ARID1B: variants seen among roughly 807,000 people sequenced by gnomAD.
ARID1B encodes AT-rich interactive domain-containing protein 1B.
ARID1B carries 30 observed loss-of-function variants against 212.3 expected under a neutral mutation model. That is an observed-to-expected ratio of 0.14 (90% CI 0.11 to 0.19). ARID1B has a LOEUF of 0.19. Ranked by LOEUF, ARID1B falls within the 10% of genes least tolerant of loss-of-function variation. The pLI is 1.00. For missense variants in ARID1B, 2,891 were observed against 3,204.0 expected (o/e 0.90, Z 2.36); for synonymous variants, 1,402 against 1,301.7 (o/e 1.08, Z -1.66).
chr6:156,807,237 G>C (rs1781235711), intron 1 of ARID1B, among the ~76,000 whole-genome samples: 1 of 150,908 alleles, frequency 6.6e-6, no homozygotes, highest in African/African-American at 2.4e-5. Flanking sequence ...TCAGATCTAT[G>C]GAGTGGAAGA....
chr6:157,047,857 C>T (rs1436247916), intron 4 of ARID1B, among the ~76,000 whole-genome samples: 1 of 152,160 alleles, frequency 6.6e-6, no homozygotes, highest in Non-Finnish European at 1.5e-5. Context: ...AACACCTGTT[C>T]ATTTGGGACA....
At chr6:156,852,842 T>G (rs1784669147) in intron 2 of ARID1B, among the ~76,000 whole-genome samples, 1 of 152,256 alleles carries the variant, frequency 6.6e-6, no homozygotes, top group Non-Finnish European at 1.5e-5. Flanking sequence ...TGTTTAGTTT[T>G]GTTTTATAAC....
chr6:156,886,068 A>G (rs1031125878), intron 2 of ARID1B, among the ~76,000 whole-genome samples: 1 of 152,254 alleles, frequency 6.6e-6, no homozygotes, highest in Non-Finnish European at 1.5e-5. Context: ...TGTAATGCAG[A>G]TATCTCAAAG....
intron 2 of ARID1B, among the ~76,000 whole-genome samples, chr6:156,866,898 A>G (rs9372021): frequency 0.25 from 37,400 of 152,186 alleles, 4,644 homozygotes; most frequent in Non-Finnish European, 0.26. Context: ...TTTTGCAAGC[A>G]TCATGGAAGT....
intron 1 of ARID1B, among the ~76,000 whole-genome samples, chr6:156,807,835 A>AT (rs1157239119): frequency 6.9e-5 from 10 of 145,204 alleles, no homozygotes; most frequent in South Asian, 4.2e-4. Flanking sequence ...ACACAATATC[A>AT]TTTTTTTTGC....
At chr6:156,797,387 G>C (rs992199710) in intron 1 of ARID1B, among the ~76,000 whole-genome samples, 6 of 152,220 alleles carry the variant, frequency 3.9e-5, no homozygotes, top group African/African-American at 1.4e-4. Flanking sequence ...AGTAAAATCA[G>C]TTTGGAGAGG....
At chr6:157,183,630 A>G (rs1222159313) in intron 12 of ARID1B, among the ~76,000 whole-genome samples, 3 of 152,148 alleles carry the variant, frequency 2.0e-5, no homozygotes, top group South Asian at 2.1e-4. Context: ...CCAGCCCTTT[A>G]AGCCTCCTTG....
intron 6 of ARID1B, among the ~76,000 whole-genome samples, chr6:157,123,021 C>T (rs1166088730): frequency 1.3e-5 from 2 of 152,072 alleles, no homozygotes; most frequent in African/African-American, 2.4e-5. Context: ...TTCCTTTAAC[C>T]CCCACAAAAA....
chr6:156,906,569 A>C (rs1222588598), intron 3 of ARID1B, among the ~76,000 whole-genome samples: 1 of 148,366 alleles, frequency 6.7e-6, no homozygotes, highest in East Asian at 1.9e-4. Flanking sequence ...AAAAAAAAAA[A>C]AAAAAAGCAC....
chr6:156,934,920 A>C (rs1468465583), intron 3 of ARID1B, among the ~76,000 whole-genome samples: 3 of 28,394 alleles, frequency 1.1e-4, no homozygotes, highest in Admixed American at 2.8e-4. Flanking sequence ...AATTATATAT[A>C]TATATATATA....
chr6:157,092,631 C>T (rs1211438146), intron 5 of ARID1B, among the ~76,000 whole-genome samples: 1 of 152,230 alleles, frequency 6.6e-6, no homozygotes, highest in Non-Finnish European at 1.5e-5. Flanking sequence ...CCTCTTCTTT[C>T]TCCCACATTT....
intron 4 of ARID1B, among the ~76,000 whole-genome samples, chr6:157,051,456 T>A (rs1782597664): frequency 1.3e-5 from 2 of 152,198 alleles, no homozygotes; most frequent in African/African-American, 4.8e-5. Context: ...GAATTTACAA[T>A]GGATTCTCTT....
At chr6:156,999,799 C>A (rs964716279) in intron 4 of ARID1B, among the ~76,000 whole-genome samples, 2 of 152,224 alleles carry the variant, frequency 1.3e-5, no homozygotes, top group African/African-American at 4.8e-5. Flanking sequence ...TCCCAAAGTT[C>A]TGGGATTACA....
intron 11 of ARID1B, among the ~76,000 whole-genome samples, chr6:157,177,185 C>A (rs1007851185): frequency 3.9e-5 from 6 of 152,190 alleles, no homozygotes; most frequent in African/African-American, 1.4e-4. Flanking sequence ...TGCAAGCAAA[C>A]TTCTGGCTCC....
rs553747704 is a variant in ARID1B at position 157,010,140 on chromosome 6, T to TTATACCACACTTATAC, written c.2248-74522_2248-74521insTATACCACACTTATAC. ...AAGTGATCACACTTATACCACTGAT[T>TTATACCACACTTATAC]CACTGGTTTCACTCAGGGGTTTTGT... is the stretch of plus-strand genomic sequence containing the variant. On this transcript the variant is annotated intron_variant, in intron 4 of 19. Transcript: ENST00000636930. Among the ~76,000 whole-genome samples the TTATACCACACTTATAC allele has an allele frequency of 3.8e-4, 58 of 152,344 alleles. 1 individual carries two copies. The South Asian group carries it at 0.012, about 32-fold the overall frequency.
intron 2 of ARID1B, among the ~76,000 whole-genome samples, chr6:156,875,928 G>T (rs540671652): frequency 7.9e-5 from 12 of 152,180 alleles, no homozygotes; most frequent in Non-Finnish European, 1.3e-4. Context: ...AAATACTTCT[G>T]TTAAAGAACT....
chr6:156,870,536 G>A (rs1269596985), intron 2 of ARID1B: 1 of 152,124 alleles, frequency 6.6e-6, no homozygotes, highest in Non-Finnish European at 1.5e-5. Flanking sequence ...AATTGCCTTC[G>A]TTGTCTTTTC....
chr6:156,832,431 G>C (rs1185599009), intron 2 of ARID1B, among the ~76,000 whole-genome samples: 1 of 152,198 alleles, frequency 6.6e-6, no homozygotes, highest in Non-Finnish European at 1.5e-5. Context: ...TTATTGAGTG[G>C]ACATCACCAC....
At chr6:156,813,110 T>A (rs201179369) in intron 1 of ARID1B, among the ~76,000 whole-genome samples, 13,869 of 58,728 alleles carry the variant, frequency 0.24, 837 homozygotes, top group African/African-American at 0.29. Flanking sequence ...ATATATATAT[T>A]TTTTTTTTTT....
Sources: allele counts gnomAD v4.1 joint callset (sites outside exome capture counted in the v4.1 genomes callset), GRCh38; gene constraint gnomAD v4.1.1; transcripts MANE v1.5; gene names NCBI Gene and HGNC (gene_info 2026-07-23, HGNC 2026-07-21).